FOXJ3: variants seen among roughly 807,000 people sequenced by gnomAD.
The protein encoded by FOXJ3 is forkhead box protein J3.
Under a neutral mutation model 76.1 loss-of-function variants are expected in FOXJ3, and 22 were observed. The ratio of observed to expected loss-of-function variants is 0.29; its 90% CI spans 0.21 to 0.41. The LOEUF (loss-of-function observed/expected upper bound fraction) is 0.41, where lower values mean the gene tolerates loss of function less well. Ranked by LOEUF, FOXJ3 falls within the 10% of genes least tolerant of loss-of-function variation. The pLI, the probability that FOXJ3 is intolerant of heterozygous loss-of-function variation, is 1.00. For missense variants in FOXJ3, 613 were observed against 762.1 expected (o/e 0.80, Z 2.30); for synonymous variants, 269 against 261.2 (o/e 1.03, Z -0.29).
At chr1:42,245,074 G>A (rs755802671) in intron 4 of FOXJ3, among the ~76,000 whole-genome samples, 14 of 150,892 alleles carry the variant, frequency 9.3e-5, no homozygotes, top group Non-Finnish European at 1.8e-4. Flanking sequence ...CAGCTACTCA[G>A]AAGGTTGAGG....
At chr1:42,280,458 A>AAAC (rs1553166264) in intron 2 of FOXJ3, 3 of 953,480 alleles carry the variant, frequency 3.1e-6, no homozygotes, top group South Asian at 9.7e-5. Flanking sequence ...AAAAAAAAAA[A>AAAC]AAAAAAAACT....
At chr1:42,193,925 A>G (rs952209128) in intron 8 of FOXJ3, among the ~76,000 whole-genome samples, 2 of 152,184 alleles carry the variant, frequency 1.3e-5, no homozygotes, top group African/African-American at 4.8e-5. Context: ...TTGCCCTTCC[A>G]TGTCGTCTGC....
intron 4 of FOXJ3, among the ~76,000 whole-genome samples, chr1:42,229,309 A>G (rs1480165858): frequency 1.3e-5 from 2 of 152,192 alleles, no homozygotes; most frequent in Non-Finnish European, 2.9e-5. Flanking sequence ...TCTAGGCTAT[A>G]AATTCCTTAT....
At chr1:42,226,830 C>G (rs961828845) in intron 5 of FOXJ3, among the ~76,000 whole-genome samples, 1 of 152,152 alleles carries the variant, frequency 6.6e-6, no homozygotes. Context: ...TCATGTGATC[C>G]CAACCTAATC....
chr1:42,253,766 A>G (rs1650320774), intron 4 of FOXJ3, among the ~76,000 whole-genome samples: 3 of 151,940 alleles, frequency 2.0e-5, no homozygotes, highest in South Asian at 4.1e-4. Context: ...CCATATGTAG[A>G]AAGCTGAAAC....
chr1:42,220,748 G>A (rs991024117), intron 5 of FOXJ3, among the ~76,000 whole-genome samples: 6 of 152,100 alleles, frequency 3.9e-5, no homozygotes, highest in African/African-American at 1.2e-4. Flanking sequence ...AACTGACTGG[G>A]TGATTTACCC....
At chr1:42,247,689 A>T (rs554984884) in intron 4 of FOXJ3, among the ~76,000 whole-genome samples, 1 of 152,364 alleles carries the variant, frequency 6.6e-6, no homozygotes, top group South Asian at 2.1e-4. Context: ...GCGAATGTAA[A>T]CGGTAAAGCT....
At chr1:42,301,932 T>C (rs777999674) in intron 2 of FOXJ3, among the ~76,000 whole-genome samples, 2 of 152,126 alleles carry the variant, frequency 1.3e-5, no homozygotes, top group African/African-American at 2.4e-5. Context: ...AGATAAGCCG[T>C]CTCTCCTTAT....
chr1:42,301,188 A>C (rs576709110), intron 2 of FOXJ3, among the ~76,000 whole-genome samples: 112 of 151,938 alleles, frequency 7.4e-4, no homozygotes, highest in African/African-American at 1.7e-3. Context: ...TATTTCTCCA[A>C]GACTTTTTCA....
At chr1:42,324,798 T>C (rs1463619140) in intron 1 of FOXJ3, among the ~76,000 whole-genome samples, 2 of 152,220 alleles carry the variant, frequency 1.3e-5, no homozygotes, top group Admixed American at 6.5e-5. Context: ...TAACAATGAA[T>C]GGAGCTTGCA....
chr1:42,294,762 C>CA lies in FOXJ3; in HGVS notation c.45-16091dup, dbSNP rs5773766. ...GGGCAACAAGAGCGAAACTTGGTCT[C>CA]AAAAAAAAAAAAAAAAGACGCCATG... is the stretch of plus-strand genomic sequence containing the variant. On this transcript the variant is annotated intron_variant, in intron 2 of 12. Coordinates refer to ENST00000361346, the MANE Select transcript of FOXJ3 (RefSeq NM_014947.5). Among the ~76,000 whole-genome samples, 911 of 105,654 alleles carry CA rather than the reference C, an allele frequency of 8.6e-3. 20 individuals are homozygous for CA. Among genetic ancestry groups the CA allele is most frequent in the African/African-American group, 0.011 (288 of 26,354 alleles). The allele number at this position is 105,654 out of a possible 152,430, so 69.3% of individuals were successfully genotyped here.
chr1:42,291,191 T>C (rs1420723545), intron 2 of FOXJ3, among the ~76,000 whole-genome samples: 2 of 152,120 alleles, frequency 1.3e-5, no homozygotes, highest in African/African-American at 2.4e-5. Context: ...GTTGAAACAA[T>C]TGTCTGCATG....
At chr1:42,277,196 A>C (rs1048711542) in intron 3 of FOXJ3, among the ~76,000 whole-genome samples, 9 of 151,904 alleles carry the variant, frequency 5.9e-5, no homozygotes, top group Admixed American at 5.3e-4. Flanking sequence ...GTAACCCCAA[A>C]ACTTTGGCAG....
chr1:42,180,351 T>C (rs370321948), intron 12 of FOXJ3, among the ~76,000 whole-genome samples: 12 of 152,280 alleles, frequency 7.9e-5, no homozygotes, highest in African/African-American at 2.6e-4. Context: ...GAACCACAGC[T>C]GAGTACAGAA....
chr1:42,181,170 A>C (rs1412283569), intron 12 of FOXJ3, among the ~76,000 whole-genome samples: 1 of 152,222 alleles, frequency 6.6e-6, no homozygotes, highest in African/African-American at 2.4e-5. Context: ...CTCTGAATCC[A>C]GACACTGGGG....
At chr1:42,219,319 G>A (rs751995182) in intron 5 of FOXJ3, among the ~76,000 whole-genome samples, 16 of 152,102 alleles carry the variant, frequency 1.1e-4, no homozygotes, top group East Asian at 1.9e-4. Context: ...ATTGACTGTC[G>A]TGGTATCGCT....
chr1:42,229,346 A>T (rs919797561), intron 4 of FOXJ3, among the ~76,000 whole-genome samples: 1 of 152,186 alleles, frequency 6.6e-6, no homozygotes, highest in Non-Finnish European at 1.5e-5. Flanking sequence ...ACTCGTTTCT[A>T]TATCCACAGT....
intron 11 of FOXJ3, among the ~76,000 whole-genome samples, chr1:42,186,473 T>A (rs1324989111): frequency 6.6e-6 from 1 of 151,980 alleles, no homozygotes; most frequent in Non-Finnish European, 1.5e-5. Context: ...GCACTGAGAA[T>A]CACGAAGGTG....
chr1:42,227,824 A>G, intron 5 of FOXJ3, 59 bp downstream of exon 5: 2 of 932,090 alleles, frequency 2.1e-6, no homozygotes, highest in Non-Finnish European at 3.3e-6. Context: ...GAACTTTCAA[A>G]ATCTGTATTT....
Sources: gnomAD v4.1 joint callset for allele counts (sites outside exome capture counted in the v4.1 genomes callset) on GRCh38, gnomAD v4.1.1 for gene constraint, MANE v1.5 for transcripts, NCBI Gene and HGNC (gene_info 2026-07-23, HGNC 2026-07-21) for gene names.